The following DMRT1 variants were observed in gnomAD, a reference collection of about 807,000 sequenced individuals.
DMRT1 encodes doublesex and mab-3 related transcription factor 1, also known as doublesex- and mab-3-related transcription factor 1.
DMRT1 carries 7 observed loss-of-function variants against 32.3 expected under a neutral mutation model. That is an observed-to-expected ratio of 0.22 (90% CI 0.12 to 0.41). DMRT1 has a LOEUF of 0.41. Ranked by LOEUF, DMRT1 falls within the 10% of genes least tolerant of loss-of-function variation. DMRT1 has a pLI of 1.00. For synonymous variants in DMRT1, 278 were observed against 206.1 expected, an observed-to-expected ratio of 1.35 and a Z score of -2.99; for missense variants, 625 against 500.5, an observed-to-expected ratio of 1.25 and a Z score of -2.37.
At chr9:908,151 G>T (rs1038566287) in intron 3 of DMRT1, among the ~76,000 whole-genome samples, 2 of 152,120 alleles carry the variant, frequency 1.3e-5, no homozygotes, top group African/African-American at 4.8e-5. Context: ...TATCCTTAAT[G>T]GGTATTCAGG....
intron 2 of DMRT1, among the ~76,000 whole-genome samples, chr9:892,269 G>C (rs1156510445): frequency 2.6e-5 from 4 of 152,068 alleles, no homozygotes; most frequent in Non-Finnish European, 5.9e-5. Context: ...CCAGGTCTTG[G>C]CTCTCCTTTA....
intron 4 of DMRT1, among the ~76,000 whole-genome samples, chr9:956,332 G>A (rs910547270): frequency 9.2e-5 from 14 of 152,172 alleles, no homozygotes; most frequent in African/African-American, 2.4e-4. Flanking sequence ...AGATGAAGAA[G>A]TTTTGGAGAT....
intron 3 of DMRT1, among the ~76,000 whole-genome samples, chr9:911,384 G>C (rs114423109): frequency 0.016 from 2,353 of 147,786 alleles, 68 homozygotes; most frequent in African/African-American, 0.055. Context: ...TAGCAGGGTT[G>C]TGATTTTCTT....
Position 842,162 on chromosome 9 carries a change from C to A in DMRT1, c.324C>A (p.Ile108=). 1 of 1,546,658 alleles carries A rather than the reference C, an allele frequency of 6.5e-7. No homozygotes were observed. The highest frequency in any genetic ancestry group is 8.7e-7 in the Non-Finnish European group (1 of 1,151,650). ...RDCQCKKCNL[I]AERQRVMAAQ... ...GCCAGTGCAAGAAGTGCAACCTGATCGCCGAGAGGCAGCGCGTGATGGCCG... is the reference window on the plus strand; with the variant it reads ...GCCAGTGCAAGAAGTGCAACCTGATAGCCGAGAGGCAGCGCGTGATGGCCG... The change falls in exon 1 of 5, where the codon ATC becomes ATA. Residue 108 remains isoleucine (I), a synonymous_variant. Transcript: ENST00000382276.
rs376885168 is a variant in DMRT1, at chr9:856,845, T to A, written c.538+9702T>A. ...CCAAAGAGGCTGCACTATTTTACAT[T>A]CCTACCGACAGTCTATGAGGGTTCC... On this transcript the variant is annotated intron_variant, in intron 2 of 4. Transcript: ENST00000382276. Among the ~76,000 whole-genome samples the A allele has an allele frequency of 5.3e-5, 8 of 152,358 alleles. No individual in the cohort carries two copies. The East Asian group carries it at 9.6e-4, about 18-fold the overall frequency.
chr9:968,119 G>C lies in DMRT1; in HGVS notation c.1102G>C (p.Val368Leu). The C allele has an allele frequency of 6.2e-7, 1 of 1,613,392 alleles. No homozygotes were observed. The highest frequency in any genetic ancestry group is 1.7e-4 in the Middle Eastern group (1 of 6,050). Residue 368 changes from valine (V) to leucine (L), a missense_variant, in exon 5 of 5, where the codon GTC becomes CTC. This residue lies in a region of DMRT1 where 416 missense variants were observed against 321.6 expected (regional missense o/e 1.29). Transcript: ENST00000382276. ...GCCCAGCAGCTTCACAGTCACTCCC[G>C]TCATCGAGGAGGACGAGTGAGCAGT... ...SEPSSFTVTP[V>L]IEEDE
At chr9:931,635 T>C (rs1014413888) in intron 4 of DMRT1, among the ~76,000 whole-genome samples, 3 of 152,230 alleles carry the variant, frequency 2.0e-5, no homozygotes, top group African/African-American at 7.2e-5. Context: ...TGCCATCTTA[T>C]GTCCTCACAT....
intron 3 of DMRT1, among the ~76,000 whole-genome samples, chr9:899,444 C>T (rs1421270741): frequency 1.3e-5 from 2 of 152,172 alleles, no homozygotes; most frequent in African/African-American, 4.8e-5. Flanking sequence ...GAGCAGTCTC[C>T]TAGCTCGGCA....
At chr9:866,079 G>A (rs923096774) in intron 2 of DMRT1, among the ~76,000 whole-genome samples, 11 of 139,962 alleles carry the variant, frequency 7.9e-5, no homozygotes, top group Non-Finnish European at 1.5e-4. Context: ...CAGGAGAATC[G>A]CTTGAACCCA....
intron 2 of DMRT1, among the ~76,000 whole-genome samples, chr9:860,414 C>G (rs1815606233): frequency 6.6e-6 from 1 of 152,182 alleles, no homozygotes; most frequent in Non-Finnish European, 1.5e-5. Flanking sequence ...TTGAATTCAT[C>G]TCTGCTGGAG....
At chr9:845,353 G>C (rs1010722132) in intron 1 of DMRT1, among the ~76,000 whole-genome samples, 2 of 151,802 alleles carry the variant, frequency 1.3e-5, no homozygotes, top group Non-Finnish European at 2.9e-5. Flanking sequence ...GATTACAGGC[G>C]CACACCACCA....
chr9:879,180 C>CA (rs1816632594), intron 2 of DMRT1, among the ~76,000 whole-genome samples: 1 of 152,132 alleles, frequency 6.6e-6, no homozygotes, highest in African/African-American at 2.4e-5. Context: ...TGGAAGTTCT[C>CA]AAACTTTTTA....
intron 2 of DMRT1, among the ~76,000 whole-genome samples, chr9:854,414 G>C (rs1815299718): frequency 6.6e-6 from 1 of 152,146 alleles, no homozygotes; most frequent in Non-Finnish European, 1.5e-5. Context: ...CTCCTGAGTA[G>C]CTGGGACTAC....
At chr9:874,201 AT>A (rs1374134884) in intron 2 of DMRT1, among the ~76,000 whole-genome samples, 2 of 151,942 alleles carry the variant, frequency 1.3e-5, no homozygotes, top group African/African-American at 4.8e-5. Flanking sequence ...ACCTCTTGAA[AT>A]TTTTTCCCAG....
chr9:915,890 G>A (rs538497591), intron 3 of DMRT1, among the ~76,000 whole-genome samples: 8 of 152,044 alleles, frequency 5.3e-5, no homozygotes, highest in East Asian at 1.9e-4. Context: ...CCGCCACCAC[G>A]TCTGGCTAAT....
intron 2 of DMRT1, among the ~76,000 whole-genome samples, chr9:879,983 A>T (rs951291311): frequency 1.3e-5 from 2 of 152,252 alleles, no homozygotes; most frequent in Non-Finnish European, 2.9e-5. Context: ...TCATCCACAT[A>T]GTGGGGGGCC....
chr9:878,058 G>C (rs148047827), intron 2 of DMRT1, among the ~76,000 whole-genome samples: 1 of 152,202 alleles, frequency 6.6e-6, no homozygotes, highest in Non-Finnish European at 1.5e-5. Context: ...AAATAATTAT[G>C]CATGGTAATG....
chr9:899,241 C>G (rs1183385817), intron 3 of DMRT1, among the ~76,000 whole-genome samples: 2 of 151,062 alleles, frequency 1.3e-5, no homozygotes, highest in Admixed American at 6.6e-5. Context: ...TTTTTGATTC[C>G]TAGAAAAAAA....
intron 3 of DMRT1, among the ~76,000 whole-genome samples, chr9:901,151 G>A (rs549372083): frequency 6.6e-6 from 1 of 151,866 alleles, no homozygotes; most frequent in East Asian, 1.9e-4. Flanking sequence ...AGTAGCTGAG[G>A]CTACAGGCAT....
Sources: gnomAD v4.1 joint callset for allele counts (sites outside exome capture counted in the v4.1 genomes callset) on GRCh38, gnomAD v4.1.1 for gene constraint, gnomAD v4.1.1 regional missense constraint, MANE v1.5 for transcripts, NCBI Gene and HGNC (gene_info 2026-07-23, HGNC 2026-07-21) for gene names.